PNLDC1: variants seen among roughly 807,000 people sequenced by gnomAD.
PNLDC1 encodes poly(A)-specific ribonuclease PNLDC1.
In PNLDC1, 70 loss-of-function variants were observed where a neutral mutation model predicts 82.0. That is an observed-to-expected ratio of 0.85 (90% confidence interval 0.70 to 1.04). The LOEUF is 1.04. PNLDC1 is among the 50% of genes least tolerant of loss of function. The pLI is 0.00. For missense variants in PNLDC1, 631 were observed against 661.1 expected (o/e 0.95, Z 0.50); for synonymous variants, 280 against 249.3 (o/e 1.12, Z -1.16).
intron 1 of PNLDC1, 50 bp from the exon 2 acceptor site, chr6:159,800,722 G>A: frequency 6.2e-7 from 1 of 1,614,230 alleles, no homozygotes; most frequent in Non-Finnish European, 8.5e-7. Context: ...TGTGAGGAGT[G>A]CTGGCGATGT....
chr6:159,811,330 T>C (rs895750462), intron 10 of PNLDC1, among the ~76,000 whole-genome samples: 2 of 152,110 alleles, frequency 1.3e-5, no homozygotes, highest in African/African-American at 4.8e-5. Flanking sequence ...TAATTTTTGA[T>C]TTTTTTTCTT....
chr6:159,809,154 A>G lies in PNLDC1; in HGVS notation c.779A>G (p.Gln260Arg). ...TTTTTCCAAATGCTGGTGAAAGCCCAGAAGGTAGGAAAACATGTCTCTTTT... is the reference window on the plus strand; with the variant it reads ...TTTTTCCAAATGCTGGTGAAAGCCCGGAAGGTAGGAAAACATGTCTCTTTT... ...SVFFQMLVKA[Q>R]KPLVGHNMMM... is the part of the protein sequence containing the mutation. Residue 260 changes from glutamine to arginine, a missense_variant, in exon 9 of 19, where the codon CAG (glutamine) becomes CGG (arginine). By Grantham distance (43) the Gln-to-Arg change is conservative. Coordinates refer to ENST00000392167, the MANE Select transcript of PNLDC1 (RefSeq NM_001271862.2). 6.2e-7 allele frequency: 1 copy of G among 1,613,906 alleles called. No individual in the cohort carries two copies. Among genetic ancestry groups the G allele is most frequent in the Non-Finnish European group, 8.5e-7 (1 of 1,179,968 alleles).
At chr6:159,813,456 G>T in intron 11 of PNLDC1, 145 bp from the exon 12 acceptor site, 1 of 707,140 alleles carries the variant, frequency 1.4e-6, no homozygotes. Flanking sequence ...TAAGGAATAA[G>T]GATGGTTGCA....
At chr6:159,805,491 AG>A (rs1781414321) in intron 6 of PNLDC1, 1 of 153,068 alleles carries the variant, frequency 6.5e-6, no homozygotes, top group Non-Finnish European at 1.5e-5. Context: ...GCTTTTTGTA[AG>A]GGAAAAACAA....
intron 12 of PNLDC1, among the ~76,000 whole-genome samples, chr6:159,815,402 C>T (rs543520087): frequency 1.7e-4 from 26 of 152,372 alleles, no homozygotes; most frequent in African/African-American, 6.3e-4. Context: ...CCTCCCCACC[C>T]TCTTGGCCCT....
At chr6:159,812,592 T>C (rs1781681039) in intron 11 of PNLDC1, among the ~76,000 whole-genome samples, 1 of 152,242 alleles carries the variant, frequency 6.6e-6, no homozygotes, top group South Asian at 2.1e-4. Flanking sequence ...CAGGCTGCAC[T>C]GGCAGCTTTT....
chr6:159,807,539 C>T (rs544394014), intron 7 of PNLDC1, among the ~76,000 whole-genome samples: 1 of 152,254 alleles, frequency 6.6e-6, no homozygotes, highest in Non-Finnish European at 1.5e-5. Flanking sequence ...CACAACCTTT[C>T]TGATGAGATC....
intron 13 of PNLDC1, 43 bp from the exon 14 acceptor site, chr6:159,816,500 A>G: frequency 6.3e-7 from 1 of 1,596,866 alleles, no homozygotes; most frequent in East Asian, 2.2e-5. Flanking sequence ...CGTGTTTCTA[A>G]TGACTGCTCA....
Position 159,819,107 on chromosome 6 carries a change from C to T in PNLDC1, c.1419C>T (p.Thr473=). The part of the protein sequence containing the change: ...RLTRSQFLLL[T]NKFKDARNIL... The stretch of plus-strand genomic sequence containing the variant: ...CAAGAAGCCAGTTCTTACTCCTGAC[C>T]AATAAGTTTAAGGAGTAGGTGCCTC... The change falls in exon 17 of 19, where the codon ACC becomes ACT. Residue 473 remains threonine (T), a synonymous_variant. Transcript: ENST00000392167. The surrounding 1 kb of genome is among the most constrained non-coding windows in gnomAD (Gnocchi z 4.6). 1.2e-6 allele frequency: 2 copies of T among 1,613,942 alleles called. No homozygotes were observed. Among genetic ancestry groups the T allele is most frequent in the Non-Finnish European group, 1.7e-6 (2 of 1,179,952 alleles).
chr6:159,813,277 C>T (rs1480168977), intron 11 of PNLDC1, among the ~76,000 whole-genome samples: 1 of 152,152 alleles, frequency 6.6e-6, no homozygotes, highest in East Asian at 1.9e-4. Context: ...CCTGTATGCT[C>T]CATGTATGTC....
chr6:159,818,886 G>T, intron 16 of PNLDC1, 60 bp from the exon 17 acceptor site: 6 of 1,561,226 alleles, frequency 3.8e-6, no homozygotes, highest in Non-Finnish European at 5.3e-6. Flanking sequence ...GAGATCTTCA[G>T]ACTGGATAAG....
At chr6:159,810,494 T>C (rs1781610885) in intron 10 of PNLDC1, among the ~76,000 whole-genome samples, 1 of 152,226 alleles carries the variant, frequency 6.6e-6, no homozygotes, top group Non-Finnish European at 1.5e-5. Context: ...ACCCAAAGCA[T>C]TATTTTATGT....
At chr6:159,799,973 C>G (rs1238344114), upstream of PNLDC1, among the ~76,000 whole-genome samples, 2 of 152,202 alleles carry the variant, frequency 1.3e-5, no homozygotes, top group Non-Finnish European at 2.9e-5. Flanking sequence ...CCTTTCTGGA[C>G]TCTGTCTTCG....
intron 14 of PNLDC1, among the ~76,000 whole-genome samples, 177 bp downstream of exon 14, chr6:159,816,773 C>A: frequency 6.6e-6 from 1 of 152,076 alleles, no homozygotes; most frequent in East Asian, 1.9e-4. Context: ...GCTGGGACTA[C>A]AGGTGCATGC....
chr6:159,820,420 G>A (rs776447900), intron 18 of PNLDC1, 34 bp from the exon 19 acceptor site: 2 of 1,611,790 alleles, frequency 1.2e-6, no homozygotes, highest in East Asian at 2.2e-5. Flanking sequence ...CCTGCTGGGT[G>A]CCCCGGCCAC....
In PNLDC1 at chr6:159,820,489, C is replaced by A; in HGVS notation, c.1568C>A (p.Ala523Glu). The change falls in exon 19 of 19, where the codon GCG becomes GAG. Residue 523 changes from alanine to glutamate, a missense_variant. Ala to Glu is a moderately radical substitution (Grantham distance 107). Coordinates refer to ENST00000392167, the MANE Select transcript of PNLDC1 (RefSeq NM_001271862.2). ...CGIVTAWALL[A>E]FILGRSGT ...ATAGTGACTGCCTGGGCCCTTCTCG[C>A]GTTCATCCTTGGAAGATCTGGTACC... 1.2e-6 allele frequency: 2 copies of A among 1,614,186 alleles called. No individual in the cohort carries two copies. Among genetic ancestry groups the A allele is most frequent in the Non-Finnish European group, 1.7e-6 (2 of 1,180,048 alleles).
In PNLDC1 at chr6:159,804,005, A is replaced by G; in HGVS notation, c.289A>G (p.Thr97Ala). The change falls in exon 5 of 19, where the codon ACG becomes GCG. Residue 97 changes from threonine (T) to alanine (A), a missense_variant. Thr to Ala is a moderately conservative substitution (Grantham distance 58, BLOSUM62 0). Coordinates refer to ENST00000392167, the MANE Select transcript of PNLDC1 (RefSeq NM_001271862.2). ...HSCNFYLFPT[T>A]FGILDSEFSF... ...TTGTAACTTCTATCTCTTCCCTACA[A>G]CGTTTGGGATTTTGGACTCAGAATT... 1 of 1,612,950 alleles carries G rather than the reference A, an allele frequency of 6.2e-7. No individual in the cohort carries two copies. The highest frequency in any genetic ancestry group is 8.5e-7 in the Non-Finnish European group (1 of 1,178,952).
Position 159,811,757 on chromosome 6 carries a change from A to AT in PNLDC1, c.910_911insT (p.Thr304IlefsTer25), listed in dbSNP as rs747593307. On this transcript the variant is annotated frameshift_variant, in exon 11 of 19. Coordinates refer to ENST00000392167, the MANE Select transcript of PNLDC1 (RefSeq NM_001271862.2). LOFTEE classifies it high-confidence loss of function. ...CAGCCTATTTCCTGTTCTCATTGAT[A>AT]CCAAGAGTGTAACAAAGGATATCTG... 1 of 1,613,460 alleles carries AT rather than the reference A, an allele frequency of 6.2e-7. No homozygotes were observed. Among genetic ancestry groups the AT allele is most frequent in the South Asian group, 1.1e-5 (1 of 91,070 alleles).
intron 15 of PNLDC1, among the ~76,000 whole-genome samples, chr6:159,817,657 A>G (rs749033500): frequency 2.6e-5 from 4 of 152,258 alleles, no homozygotes; most frequent in Non-Finnish European, 5.9e-5. Flanking sequence ...TGATGCCTGC[A>G]GCCCTGGGCA....
Sources: allele counts gnomAD v4.1 joint callset (sites outside exome capture counted in the v4.1 genomes callset), GRCh38; gene constraint gnomAD v4.1.1; non-coding constraint Gnocchi (gnomAD v3.1); transcripts MANE v1.5; gene names NCBI Gene and HGNC (gene_info 2026-07-23, HGNC 2026-07-21).